Variants in CDH18 observed in about 807,000 individuals in gnomAD.
CDH18 encodes the protein cadherin-18.
Under a neutral mutation model 67.9 loss-of-function variants are expected in CDH18, and 31 were observed. That is an observed-to-expected ratio of 0.46 (90% CI 0.34 to 0.62). The LOEUF (loss-of-function observed/expected upper bound fraction) is 0.62, where lower values mean the gene tolerates loss of function less well. Among genes scored for constraint, CDH18 ranks in the 20% least tolerant of loss-of-function variants. The pLI, the probability that CDH18 is intolerant of heterozygous loss-of-function variation, is 0.01. For synonymous variants in CDH18, 362 were observed against 347.2 expected (o/e 1.04, Z -0.48); for missense variants, 890 against 975.5 (o/e 0.91, Z 1.17).
chr5:19,911,198 G>C (rs1246777898), intron 2 of CDH18, among the ~76,000 whole-genome samples: 2 of 152,124 alleles, frequency 1.3e-5, no homozygotes, highest in East Asian at 3.9e-4. Flanking sequence ...TCCTCTCCCT[G>C]AACAGTGAGA....
chr5:20,151,734 T>G (rs529157788), intron 2 of CDH18, among the ~76,000 whole-genome samples: 9 of 152,240 alleles, frequency 5.9e-5, no homozygotes, highest in Admixed American at 5.9e-4. Context: ...TCTAGAAATA[T>G]TTCTTATCCT....
intron 1 of CDH18, among the ~76,000 whole-genome samples, chr5:20,488,430 T>C (rs1411422667): frequency 6.6e-6 from 1 of 152,036 alleles, no homozygotes; most frequent in Non-Finnish European, 1.5e-5. Context: ...TGTGGATTCC[T>C]TGAATCTTCA....
At chr5:19,795,101 T>C (rs1459694263) in intron 3 of CDH18, among the ~76,000 whole-genome samples, 1 of 152,058 alleles carries the variant, frequency 6.6e-6, no homozygotes, top group East Asian at 1.9e-4. Context: ...AACAGAAGTG[T>C]CTCTGAAAAC....
intron 10 of CDH18, among the ~76,000 whole-genome samples, chr5:19,511,148 C>A (rs1408788181): frequency 6.6e-6 from 1 of 152,172 alleles, no homozygotes; most frequent in East Asian, 1.9e-4. Flanking sequence ...TCCCCCATCT[C>A]TCAGCACTTC....
intron 3 of CDH18, among the ~76,000 whole-genome samples, chr5:19,774,808 C>CAAAA (rs59248561): frequency 0.02 from 717 of 35,362 alleles, 211 homozygotes; most frequent in East Asian, 0.036. Context: ...GACTCTGTCT[C>CAAAA]AAAAAAAAAA....
intron 5 of CDH18, among the ~76,000 whole-genome samples, chr5:19,625,041 G>GAA (rs397883821): frequency 2.2e-5 from 3 of 135,622 alleles, no homozygotes; most frequent in Non-Finnish European, 3.2e-5. Context: ...GCAGATTAGT[G>GAA]AAAAAAAAAA....
At chr5:19,605,302 G>A (rs1303387498) in intron 6 of CDH18, among the ~76,000 whole-genome samples, 1 of 151,586 alleles carries the variant, frequency 6.6e-6, no homozygotes, top group Non-Finnish European at 1.5e-5. Context: ...TGATCTACAG[G>A]TGTATGTGTC....
intron 1 of CDH18, among the ~76,000 whole-genome samples, chr5:20,478,730 C>A (rs1244300775): frequency 1.4e-5 from 2 of 142,142 alleles, no homozygotes; most frequent in East Asian, 2.1e-4. Flanking sequence ...CACGTACTGA[C>A]TGAAGAGCCC....
chr5:20,256,933 GTATCTATCTATC>G (rs11272126), intron 1 of CDH18, among the ~76,000 whole-genome samples: 1 of 120,772 alleles, frequency 8.3e-6, no homozygotes, highest in Non-Finnish European at 1.8e-5. Flanking sequence ...TAGCTTGGTG[GTATCTATCTATC>G]TATCTATCTA....
chr5:20,142,670 T>C (rs1750336619), intron 2 of CDH18, among the ~76,000 whole-genome samples: 1 of 151,982 alleles, frequency 6.6e-6, no homozygotes, highest in South Asian at 2.1e-4. Flanking sequence ...AGTGTCCTTA[T>C]AAAAACAATG....
intron 1 of CDH18, among the ~76,000 whole-genome samples, chr5:20,405,935 A>C (rs1746209051): frequency 6.6e-6 from 1 of 152,176 alleles, no homozygotes; most frequent in South Asian, 2.1e-4. Context: ...AGGAAACAAC[A>C]GGTGCTGGAG....
chr5:20,240,916 A>T (rs748539875), intron 2 of CDH18, among the ~76,000 whole-genome samples: 1 of 152,244 alleles, frequency 6.6e-6, no homozygotes, highest in Non-Finnish European at 1.5e-5. Flanking sequence ...TGATATAGAA[A>T]AAACATGAAT....
At chr5:20,132,898 C>T (rs562548736) in intron 2 of CDH18, among the ~76,000 whole-genome samples, 4 of 152,204 alleles carry the variant, frequency 2.6e-5, no homozygotes, top group South Asian at 4.1e-4. Flanking sequence ...TTTATTCCTT[C>T]TCTACTTATC....
intron 1 of CDH18, among the ~76,000 whole-genome samples, chr5:20,381,485 G>A (rs1437308894): frequency 2.6e-5 from 4 of 151,902 alleles, no homozygotes; most frequent in Admixed American, 6.6e-5. Flanking sequence ...TGTCTCAAGG[G>A]GTCCCACTTT....
chr5:20,406,649 G>A (rs1746294593), intron 1 of CDH18, among the ~76,000 whole-genome samples: 1 of 151,934 alleles, frequency 6.6e-6, no homozygotes, highest in South Asian at 2.1e-4. Flanking sequence ...ATCAAGAATT[G>A]AATAACATTT....
intron 2 of CDH18, among the ~76,000 whole-genome samples, chr5:20,223,699 T>G (rs1340254399): frequency 6.6e-6 from 1 of 152,094 alleles, no homozygotes. Flanking sequence ...TCCTGTGCTG[T>G]TCTTGTGTTA....
At chr5:20,318,734 C>G (rs1580740066) in intron 1 of CDH18, among the ~76,000 whole-genome samples, 1 of 152,080 alleles carries the variant, frequency 6.6e-6, no homozygotes, top group Admixed American at 6.6e-5. Flanking sequence ...GCCTGCAGAG[C>G]CATGAGCCAA....
rs758514570 is a variant in CDH18 at position 19,942,051 on chromosome 5, AT to A, written c.-257+39008del. Among the ~76,000 whole-genome samples, 230 of 152,238 alleles carry A rather than the reference AT, an allele frequency of 1.5e-3. 2 individuals carry two copies. Among genetic ancestry groups the A allele is most frequent in the Middle Eastern group, 0.01 (3 of 294 alleles). On this transcript the variant is annotated intron_variant, in intron 2 of 12. Transcript: ENST00000382275. ...AGGTCCAGGTCACAAAGAAGACATA[AT>A]CAGGAAAGCAGACTTCAAAAAAATA...
chr5:20,567,801 T>C (rs1038829266), intron 1 of CDH18, among the ~76,000 whole-genome samples: 2 of 152,140 alleles, frequency 1.3e-5, no homozygotes, highest in African/African-American at 4.8e-5. Context: ...GACAACAGTT[T>C]AATGACTGGG....
Sources: allele counts gnomAD v4.1 joint callset (sites outside exome capture counted in the v4.1 genomes callset), GRCh38; gene constraint gnomAD v4.1.1; transcripts MANE v1.5; gene names NCBI Gene and HGNC (gene_info 2026-07-23, HGNC 2026-07-21).